Variants in PRR16 observed in about 807,000 individuals in gnomAD.
The protein encoded by PRR16 is proline rich 16.
Under a neutral mutation model 18.2 loss-of-function variants are expected in PRR16, and 6 were observed. The ratio of observed to expected loss-of-function variants is 0.33; its 90% CI spans 0.18 to 0.65. The LOEUF is 0.65. PRR16 is among the 30% of genes least tolerant of loss of function. The pLI is 0.74. For missense variants in PRR16, 412 were observed against 376.6 expected (o/e 1.09, Z -0.78); for synonymous variants, 151 against 147.8 (o/e 1.02, Z -0.16).
the PRR16 span, among the ~76,000 whole-genome samples, chr5:120,769,734 A>T: frequency 6.6e-6 from 1 of 151,878 alleles, no homozygotes; most frequent in Non-Finnish European, 1.5e-5. Context: ...CAGAAGCGGA[A>T]TTGCTGGATT....
At chr5:120,494,119 C>T (rs1750159930) in intron 1 of PRR16, among the ~76,000 whole-genome samples, 1 of 152,106 alleles carries the variant, frequency 6.6e-6, no homozygotes, top group African/African-American at 2.4e-5. Context: ...AAATAGTTTT[C>T]CAGAGTGACT....
chr5:120,516,017 C>T (rs1750977959), intron 1 of PRR16, among the ~76,000 whole-genome samples: 1 of 152,158 alleles, frequency 6.6e-6, no homozygotes, highest in Non-Finnish European at 1.5e-5. Context: ...ACAATTTTCA[C>T]TTTCCTGAAA....
intron 1 of PRR16, among the ~76,000 whole-genome samples, chr5:120,464,870 T>G (rs1561500882): frequency 6.6e-6 from 1 of 152,024 alleles, no homozygotes; most frequent in Non-Finnish European, 1.5e-5. Context: ...TTTTAATCGA[T>G]GGACCTGGGC....
intron 1 of PRR16, among the ~76,000 whole-genome samples, chr5:120,534,734 T>A (rs1002162183): frequency 1.3e-5 from 2 of 152,206 alleles, no homozygotes; most frequent in African/African-American, 2.4e-5. Context: ...TTAAAACAGA[T>A]CTTTATAATG....
At chr5:120,554,213 A>G (rs4895263) in intron 1 of PRR16, among the ~76,000 whole-genome samples, 3,248 of 151,990 alleles carry the variant, frequency 0.021, 117 homozygotes, top group Admixed American at 0.092. Context: ...ATATTTGCCA[A>G]TATACTCTGT....
chr5:120,498,030 A>C (rs1156423356), intron 1 of PRR16, among the ~76,000 whole-genome samples: 1 of 151,406 alleles, frequency 6.6e-6, no homozygotes, highest in African/African-American at 2.4e-5. Flanking sequence ...TAATATAATT[A>C]TTAATATGTT....
At chr5:120,707,308 A>G in the PRR16 span, among the ~76,000 whole-genome samples, 77,850 of 151,872 alleles carry the variant, frequency 0.51, 20,544 homozygotes, top group Middle Eastern at 0.58. Flanking sequence ...CCATAATTCT[A>G]ATATGTTCCA....
At chr5:120,635,804 G>A (rs1398835103) in intron 1 of PRR16, among the ~76,000 whole-genome samples, 3 of 152,014 alleles carry the variant, frequency 2.0e-5, no homozygotes, top group African/African-American at 2.4e-5. Context: ...AAGGGCACTC[G>A]AATCGGTAAA....
the PRR16 span, among the ~76,000 whole-genome samples, chr5:120,719,178 A>G: frequency 6.6e-6 from 1 of 152,062 alleles, no homozygotes; most frequent in Non-Finnish European, 1.5e-5. Flanking sequence ...TGGGATATAT[A>G]TTTACAAGTA....
chr5:120,528,337 G>A (rs1394827598), intron 1 of PRR16, among the ~76,000 whole-genome samples: 1 of 152,150 alleles, frequency 6.6e-6, no homozygotes, highest in Non-Finnish European at 1.5e-5. Flanking sequence ...GGTAGATTTG[G>A]TGTTACCTTA....
intron 1 of PRR16, among the ~76,000 whole-genome samples, chr5:120,634,247 C>T (rs894394921): frequency 1.3e-5 from 2 of 152,126 alleles, no homozygotes; most frequent in African/African-American, 4.8e-5. Flanking sequence ...AGTGACACAA[C>T]CTATCACTAC....
At chr5:120,534,380 T>G (rs999142856) in intron 1 of PRR16, among the ~76,000 whole-genome samples, 1 of 152,144 alleles carries the variant, frequency 6.6e-6, no homozygotes, top group Non-Finnish European at 1.5e-5. Context: ...ATATTCCTTC[T>G]TTGATAATAT....
At chr5:120,758,734 G>A in the PRR16 span, among the ~76,000 whole-genome samples, 1 of 152,024 alleles carries the variant, frequency 6.6e-6, no homozygotes, top group Non-Finnish European at 1.5e-5. Flanking sequence ...GACCTCCCCA[G>A]CCATGCAGAA....
the PRR16 span, among the ~76,000 whole-genome samples, chr5:120,716,125 C>T: frequency 1.3e-5 from 2 of 152,150 alleles, no homozygotes; most frequent in Non-Finnish European, 2.9e-5. Flanking sequence ...GAAATGTTCT[C>T]ACTAAATCAT....
intron 1 of PRR16, among the ~76,000 whole-genome samples, chr5:120,515,837 T>TTTATA (rs1750971459): frequency 6.6e-6 from 1 of 152,234 alleles, no homozygotes; most frequent in Admixed American, 6.5e-5. Context: ...ATAGCATTTA[T>TTTATA]GTATTATGAG....
intron 1 of PRR16, among the ~76,000 whole-genome samples, chr5:120,611,788 A>C (rs549199781): frequency 1.8e-4 from 27 of 152,314 alleles, no homozygotes; most frequent in Non-Finnish European, 2.5e-4. Flanking sequence ...GGAGCCCCCC[A>C]CACAGAGTCC....
At chr5:120,585,049 C>T (rs1753395060) in intron 1 of PRR16, among the ~76,000 whole-genome samples, 1 of 152,098 alleles carries the variant, frequency 6.6e-6, no homozygotes, top group African/African-American at 2.4e-5. Context: ...AACTAAACAA[C>T]AAAATATTTG....
In PRR16 at chr5:120,608,748, G is replaced by A. The variant is rs542771421; in HGVS notation, c.160-77206G>A. The stretch of plus-strand genomic sequence containing the variant: ...ATTAGATCTGGTTAACCCCCTAGAC[G>A]GTGTTTCATCTCTCATTGCTTTTTT... On this transcript the variant is annotated intron_variant, in intron 1 of 1. Coordinates refer to ENST00000407149, the MANE Select transcript of PRR16 (RefSeq NM_001300783.2). Among the ~76,000 whole-genome samples, 13 of 152,094 alleles carry A rather than the reference G, an allele frequency of 8.5e-5. No homozygotes were observed. The South Asian group carries it at 2.3e-3, about 27-fold the overall frequency.
chr5:120,643,466 A>T (rs552844910), intron 1 of PRR16, among the ~76,000 whole-genome samples: 49 of 152,256 alleles, frequency 3.2e-4, no homozygotes, highest in African/African-American at 1.2e-3. Context: ...TGAGAACATG[A>T]TTTTTAAAAA....
Sources: allele counts gnomAD v4.1 joint callset (sites outside exome capture counted in the v4.1 genomes callset), GRCh38; gene constraint gnomAD v4.1.1; transcripts MANE v1.5; gene names NCBI Gene and HGNC (gene_info 2026-07-23, HGNC 2026-07-21).